Variants in SLC25A12 observed in about 807,000 individuals in gnomAD.
The protein encoded by SLC25A12 is electrogenic aspartate/glutamate antiporter SLC25A12, mitochondrial.
A neutral mutation model predicts 83.3 loss-of-function variants in SLC25A12; 32 were observed. That is an observed-to-expected ratio of 0.38 (90% CI 0.29 to 0.52). SLC25A12 has a LOEUF of 0.52. Ranked by LOEUF, SLC25A12 falls within the 20% of genes least tolerant of loss-of-function variation. The pLI, the probability that SLC25A12 is intolerant of heterozygous loss-of-function variation, is 0.84. For synonymous variants in SLC25A12, 267 were observed against 291.1 expected, an observed-to-expected ratio of 0.92 and a Z score of 0.84; for missense variants, 611 against 835.6, an observed-to-expected ratio of 0.73 and a Z score of 3.31.
intron 2 of SLC25A12, among the ~76,000 whole-genome samples, chr2:171,888,237 G>A (rs573642177): frequency 4.0e-5 from 6 of 151,384 alleles, no homozygotes; most frequent in African/African-American, 1.5e-4. Flanking sequence ...TAGGACCACA[G>A]GCATGTACCA....
intron 8 of SLC25A12, among the ~76,000 whole-genome samples, chr2:171,827,804 A>T (rs1684338116): frequency 6.6e-6 from 1 of 152,234 alleles, no homozygotes; most frequent in Non-Finnish European, 1.5e-5. Context: ...TTGGCAAGTC[A>T]GCCAGGAGGT....
At chr2:171,786,480 T>C (rs1013719061) in intron 17 of SLC25A12, among the ~76,000 whole-genome samples, 12 of 151,710 alleles carry the variant, frequency 7.9e-5, no homozygotes, top group Non-Finnish European at 1.5e-4. Flanking sequence ...CTCACATTTC[T>C]ACAATGCAAC....
intron 10 of SLC25A12, 47 bp downstream of exon 10, chr2:171,815,074 T>C (rs771287182): frequency 1.4e-6 from 2 of 1,457,612 alleles, no homozygotes; most frequent in Non-Finnish European, 1.9e-6. Context: ...GGTGAGATAA[T>C]ATTACATTAA....
chr2:171,837,261 G>T lies in SLC25A12; in HGVS notation c.472C>A (p.Gln158Lys). 6.2e-7 allele frequency: 1 copy of T among 1,613,988 alleles called. No homozygotes were observed. Among genetic ancestry groups the T allele is most frequent in the Non-Finnish European group, 8.5e-7 (1 of 1,179,952 alleles). The change falls in exon 6 of 18, where the codon CAA (glutamine) becomes AAA (lysine). Residue 158 changes from glutamine (Q) to lysine (K), a missense_variant. By Grantham distance (53) the Gln-to-Lys change is moderately conservative. This residue lies in a region of SLC25A12 where 540 missense variants were observed against 777.5 expected (regional missense o/e 0.69). Coordinates refer to ENST00000422440, the MANE Select transcript of SLC25A12 (RefSeq NM_003705.5). ...TEFTQFLQEL[Q>K]LEHARQAFAL... The stretch of plus-strand genomic sequence containing the variant: ...AAGGCTTGTCTTGCATGTTCCAATT[G>T]CAGCTCCTGTGAGGAAATTAGAAAT...
At chr2:171,834,917 G>T (rs528811983) in intron 6 of SLC25A12, 52 bp from the exon 7 acceptor site, 25 of 1,570,422 alleles carry the variant, frequency 1.6e-5, no homozygotes, top group Non-Finnish European at 2.2e-5. Flanking sequence ...ACAAAAACAC[G>T]TTTATGGACA....
At chr2:171,806,266 C>CCTGA (rs993116282) in intron 13 of SLC25A12, among the ~76,000 whole-genome samples, 19 of 152,134 alleles carry the variant, frequency 1.2e-4, no homozygotes, top group African/African-American at 3.6e-4. Flanking sequence ...TTGAGACCAG[C>CCTGA]CTAACATGGA....
Position 171,791,456 on chromosome 2 carries a change from A to G in SLC25A12, c.1580T>C (p.Met527Thr). Reference sequence around the variant, plus strand: ...AAAAAAAAATTTGTAGTTACCTGCCATGGCTCCAGCTGCAAGAAGATTTAA... The same window carrying G: ...AAAAAAAAATTTGTAGTTACCTGCCGTGGCTCCAGCTGCAAGAAGATTTAA... Reference protein sequence around the residue: ...GGLNLLAAGAMAGVPAASLVT... With the variant: ...GGLNLLAAGATAGVPAASLVT... The change falls in exon 15 of 18, where the codon ATG becomes ACG. Residue 527 changes from methionine to threonine, a missense_variant. By Grantham distance (81) the Met-to-Thr change is moderately conservative (BLOSUM62 -1). Transcript: ENST00000422440. 1 of 1,614,106 alleles carries G rather than the reference A, an allele frequency of 6.2e-7. No individual in the cohort carries two copies.
chr2:171,819,941 C>T (rs1684148108), intron 9 of SLC25A12, among the ~76,000 whole-genome samples: 1 of 152,152 alleles, frequency 6.6e-6, no homozygotes, highest in Non-Finnish European at 1.5e-5. Context: ...GAGCTGGAGG[C>T]CACCATCCTT....
rs1444338345 is a variant in SLC25A12, at chr2:171,834,874, T to G, written c.613-9A>C. On this transcript the variant is annotated splice_polypyrimidine_tract_variant and intron_variant, in intron 6 of 17. Coordinates refer to ENST00000422440, the MANE Select transcript of SLC25A12 (RefSeq NM_003705.5). The stretch of plus-strand genomic sequence containing the variant: ...ATACTTCCTCCAGCTGCCTAGAAAA[T>G]GACAACACAAAAAGTTTAAAAAACA... 3.7e-6 allele frequency: 6 copies of G among 1,612,942 alleles called. No individual in the cohort carries two copies. Among genetic ancestry groups the G allele is most frequent in the Admixed American group, 1.7e-5 (1 of 59,840 alleles).
In SLC25A12 at chr2:171,791,563, G is replaced by A; in HGVS notation, c.1473C>T (p.Asp491=). 1.2e-6 allele frequency: 2 copies of A among 1,613,902 alleles called. No homozygotes were observed. The highest frequency in any genetic ancestry group is 4.5e-5 in the East Asian group (2 of 44,884). ...YKGAKACFLR[D]IPFSAIYFPV... is the part of the protein sequence containing the mutation. ...GAAAATAGATTGCAGAGAAGGGAATGTCTCGGAGGAAACACGCTTTGGCAC... is the reference window on the plus strand; with the variant it reads ...GAAAATAGATTGCAGAGAAGGGAATATCTCGGAGGAAACACGCTTTGGCAC... Residue 491 remains aspartate (D), a synonymous_variant, in exon 15 of 18, where the codon GAC becomes GAT. Coordinates refer to ENST00000422440, the MANE Select transcript of SLC25A12 (RefSeq NM_003705.5).
At chr2:171,869,945 C>A (rs1227332072) in intron 2 of SLC25A12, among the ~76,000 whole-genome samples, 2 of 152,232 alleles carry the variant, frequency 1.3e-5, no homozygotes, top group Non-Finnish European at 2.9e-5. Context: ...GAATTAAGGG[C>A]ATCATGCTCC....
chr2:171,839,378 A>G (rs1684624507), intron 5 of SLC25A12, among the ~76,000 whole-genome samples: 1 of 152,182 alleles, frequency 6.6e-6, no homozygotes, highest in Non-Finnish European at 1.5e-5. Context: ...AAATAAATAA[A>G]TCTTGGGTTA....
At chr2:171,872,148 G>A (rs369220713) in intron 2 of SLC25A12, among the ~76,000 whole-genome samples, 1 of 151,918 alleles carries the variant, frequency 6.6e-6, no homozygotes, top group Non-Finnish European at 1.5e-5. Flanking sequence ...CTAACCCTTT[G>A]TGAGTCCCTA....
chr2:171,821,017 CTTTTTTTTTT>C (rs869070730), intron 9 of SLC25A12, among the ~76,000 whole-genome samples: 3 of 48,592 alleles, frequency 6.2e-5, no homozygotes, highest in East Asian at 7.8e-4. Flanking sequence ...TATAAACATT[CTTTTTTTTTT>C]TTTTTTTTTT....
chr2:171,833,846 T>A, intron 8 of SLC25A12, 117 bp downstream of exon 8: 1 of 683,368 alleles, frequency 1.5e-6, no homozygotes, highest in Non-Finnish European at 2.7e-6. Context: ...ATTCTGAATA[T>A]AAACTATTCA....
intron 3 of SLC25A12, among the ~76,000 whole-genome samples, chr2:171,867,398 A>G (rs1425445093): frequency 6.6e-6 from 1 of 152,158 alleles, no homozygotes; most frequent in African/African-American, 2.4e-5. Flanking sequence ...CGGGAGGCCA[A>G]GGCTGGCGGA....
At chr2:171,874,741 C>G (rs1205030142) in intron 2 of SLC25A12, among the ~76,000 whole-genome samples, 1 of 152,182 alleles carries the variant, frequency 6.6e-6, no homozygotes, top group African/African-American at 2.4e-5. Context: ...AATGTGGATG[C>G]AGCTGGAGGC....
At position 171,809,550 on chromosome 2, in the gene SLC25A12, G is replaced by A. The variant is rs540909498; in HGVS notation, c.1305+56C>T. ...CCACTAAGATATCTATTATATCTGT[G>A]CAAAAAGGTCAACGGAATGTATTTG... On this transcript the variant is annotated intron_variant, in intron 13 of 17. Coordinates refer to ENST00000422440, the MANE Select transcript of SLC25A12 (RefSeq NM_003705.5). 3.0e-6 allele frequency: 4 copies of A among 1,314,554 alleles called. No homozygotes were observed. The African/African-American group carries it at 5.8e-5, about 19-fold the overall frequency. 81.4% of individuals were successfully genotyped at this position (1,314,554 alleles called of 1,614,324 possible). A position where few individuals can be genotyped will look rare whatever the true frequency, so the allele number is the denominator to read the frequency against.
rs2105829123 is a variant in SLC25A12 at position 171,785,113 on chromosome 2, A to C, written c.*161T>G. On this transcript the variant is annotated 3_prime_UTR_variant, in exon 18 of 18. Coordinates refer to ENST00000422440, the MANE Select transcript of SLC25A12 (RefSeq NM_003705.5). Reference sequence around the variant, plus strand: ...GCGTTGTGGTTTTTTCCCTGGGCAAATGATTATTTTATAAACAAGTATATG... The same window carrying C: ...GCGTTGTGGTTTTTTCCCTGGGCAACTGATTATTTTATAAACAAGTATATG... The C allele has an allele frequency of 1.5e-6, 1 of 687,370 alleles. No homozygotes were observed. The highest frequency in any genetic ancestry group is 2.8e-5 in the East Asian group (1 of 35,462). 42.6% of individuals were successfully genotyped at this position (687,370 alleles called of 1,614,324 possible).
Sources: allele counts gnomAD v4.1 joint callset (sites outside exome capture counted in the v4.1 genomes callset), GRCh38; gene constraint gnomAD v4.1.1; regional missense constraint gnomAD v4.1.1; transcripts MANE v1.5; gene names NCBI Gene and HGNC (gene_info 2026-07-23, HGNC 2026-07-21).